TMEM232: variants seen among roughly 807,000 people sequenced by gnomAD.
TMEM232 encodes the protein transmembrane protein 232.
Under a neutral mutation model 78.8 loss-of-function variants are expected in TMEM232, and 80 were observed. The ratio of observed to expected loss-of-function variants is 1.01; its 90% CI spans 0.85 to 1.22. The LOEUF (loss-of-function observed/expected upper bound fraction) is 1.22, where lower values mean the gene tolerates loss of function less well. Among genes scored for constraint, TMEM232 ranks in the 50% most tolerant of loss-of-function variants. TMEM232 has a pLI of 0.00. For synonymous variants in TMEM232, 297 were observed against 254.3 expected (o/e 1.17, Z -1.60); for missense variants, 881 against 742.2 (o/e 1.19, Z -2.17).
chr5:110,504,457 T>C (rs1766635891), intron 12 of TMEM232, among the ~76,000 whole-genome samples: 1 of 152,176 alleles, frequency 6.6e-6, no homozygotes, highest in Non-Finnish European at 1.5e-5. Flanking sequence ...ACCAACAGGA[T>C]ATGAGTAGGT....
intron 11 of TMEM232, among the ~76,000 whole-genome samples, chr5:110,536,194 TG>T (rs1194380102): frequency 1.3e-5 from 2 of 152,240 alleles, no homozygotes; most frequent in African/African-American, 4.8e-5. Flanking sequence ...GGTTTCCGGC[TG>T]GGGCCAATCT....
downstream of TMEM232, among the ~76,000 whole-genome samples, chr5:110,415,662 T>A (rs71575329): frequency 1.3e-5 from 2 of 152,010 alleles, no homozygotes; most frequent in Non-Finnish European, 2.9e-5. Context: ...TGCTTTTTAT[T>A]GGGAAGCTTT....
At chr5:110,671,603 T>G (rs1172920920) in intron 1 of TMEM232, among the ~76,000 whole-genome samples, 2 of 152,176 alleles carry the variant, frequency 1.3e-5, no homozygotes, top group African/African-American at 4.8e-5. Context: ...TGCAGGGACA[T>G]GGATGAAGCT....
intron 6 of TMEM232, among the ~76,000 whole-genome samples, chr5:110,626,768 T>C (rs527778947): frequency 2.0e-5 from 3 of 152,234 alleles, no homozygotes; most frequent in Non-Finnish European, 4.4e-5. Context: ...AGTGATTTTC[T>C]GATTGTAGAA....
At chr5:110,457,505 T>C (rs1294754533) in intron 12 of TMEM232, among the ~76,000 whole-genome samples, 1 of 152,110 alleles carries the variant, frequency 6.6e-6, no homozygotes, top group African/African-American at 2.4e-5. Context: ...CCTCGGTATT[T>C]AGCCAGGTGA....
At chr5:110,451,522 T>TTTAATTAATTTAAGA (rs1382230389) in intron 12 of TMEM232, among the ~76,000 whole-genome samples, 3 of 152,298 alleles carry the variant, frequency 2.0e-5, no homozygotes, top group African/African-American at 7.2e-5. Context: ...AACTTTTACA[T>TTTAATTAATTTAAGA]TTAATGCCTT....
chr5:110,506,498 T>C (rs1171696840), intron 12 of TMEM232, among the ~76,000 whole-genome samples: 1 of 152,184 alleles, frequency 6.6e-6, no homozygotes, highest in East Asian at 1.9e-4. Flanking sequence ...TATCCCACTG[T>C]TGTGACTCCC....
At chr5:110,524,411 G>GAAAAGAAAAGAAAAGAAAAGA (rs372701386) in intron 12 of TMEM232, among the ~76,000 whole-genome samples, 24 of 61,430 alleles carry the variant, frequency 3.9e-4, no homozygotes, top group African/African-American at 8.4e-4. Flanking sequence ...AAGAAAGAAA[G>GAAAAGAAAAGAAAAGAAAAGA]AAAGAAAAGA....
At chr5:110,468,284 AAG>A (rs1189472420) in intron 12 of TMEM232, among the ~76,000 whole-genome samples, 8 of 151,168 alleles carry the variant, frequency 5.3e-5, no homozygotes. Context: ...TATTTCATAT[AAG>A]AGCATAAAAT....
intron 12 of TMEM232, among the ~76,000 whole-genome samples, chr5:110,453,397 G>T (rs1222441041): frequency 1.3e-5 from 2 of 151,974 alleles, no homozygotes; most frequent in Non-Finnish European, 2.9e-5. Flanking sequence ...TGACTCCCTG[G>T]TTCAAGTGAT....
intron 10 of TMEM232, among the ~76,000 whole-genome samples, chr5:110,601,242 G>C (rs1043754068): frequency 7.2e-5 from 11 of 151,816 alleles, no homozygotes; most frequent in African/African-American, 2.7e-4. Flanking sequence ...TCGACAACTG[G>C]CACCAAAGAT....
chr5:110,660,162 A>C (rs1185311434), intron 2 of TMEM232, among the ~76,000 whole-genome samples: 1 of 152,098 alleles, frequency 6.6e-6, no homozygotes, highest in African/African-American at 2.4e-5. Flanking sequence ...TAAGAAACTT[A>C]AAATTACCAG....
intron 1 of TMEM232, among the ~76,000 whole-genome samples, chr5:110,712,841 A>C (rs540197147): frequency 2.0e-5 from 3 of 152,330 alleles, no homozygotes; most frequent in South Asian, 4.1e-4. Context: ...ACTATGGAGA[A>C]CATTTTGGAG....
exon 4 of TMEM232, chr5:110,390,525 CT>C (rs1755138179): frequency 6.6e-6 from 1 of 152,228 alleles, no homozygotes. Context: ...CTCTTTACAA[CT>C]TCAGCATGTC....
intron 8 of TMEM232, among the ~76,000 whole-genome samples, chr5:110,608,342 T>C (rs914189875): frequency 2.0e-5 from 3 of 151,990 alleles, no homozygotes; most frequent in Non-Finnish European, 4.4e-5. Context: ...AGTTTGATAA[T>C]GTCTTCATTA....
chr5:110,716,978 T>C (rs1797077074), intron 1 of TMEM232, among the ~76,000 whole-genome samples: 2 of 152,074 alleles, frequency 1.3e-5, no homozygotes, highest in African/African-American at 4.8e-5. Context: ...AATTTGTCTA[T>C]CCATCACTAA....
intron 5 of TMEM232, among the ~76,000 whole-genome samples, chr5:110,637,187 A>G (rs1785965830): frequency 6.6e-6 from 1 of 150,772 alleles, no homozygotes; most frequent in Non-Finnish European, 1.5e-5. Flanking sequence ...TTTAGTGGAC[A>G]GTTTTGGAAA....
chr5:110,573,423 G>A (rs776939452), intron 10 of TMEM232, among the ~76,000 whole-genome samples: 21 of 151,954 alleles, frequency 1.4e-4, no homozygotes, highest in Non-Finnish European at 2.9e-4. Context: ...AGAGTTGAAG[G>A]AACTAGATCA....
At chr5:110,723,512 T>C (rs1234337301) in intron 1 of TMEM232, among the ~76,000 whole-genome samples, 8 of 152,198 alleles carry the variant, frequency 5.3e-5, no homozygotes, top group Non-Finnish European at 1.2e-4. Flanking sequence ...TACCATTATG[T>C]TTAAATTAGA....
Sources: gnomAD v4.1 joint callset for allele counts (sites outside exome capture counted in the v4.1 genomes callset) on GRCh38, gnomAD v4.1.1 for gene constraint, MANE v1.5 for transcripts, NCBI Gene and HGNC (gene_info 2026-07-23, HGNC 2026-07-21) for gene names.